The following DYM variants were observed in gnomAD, a reference collection of about 807,000 sequenced individuals.
The protein encoded by DYM is dyggve-Melchior-Clausen syndrome protein.
A neutral mutation model predicts 93.1 loss-of-function variants in DYM; 78 were observed. The observed-to-expected ratio is 0.84, with a 90% CI of 0.70 to 1.01. The LOEUF is 1.01. Among genes scored for constraint, DYM ranks in the 50% least tolerant of loss-of-function variants. DYM has a pLI of 0.00. For missense variants in DYM, 789 were observed against 845.0 expected (o/e 0.93, Z 0.82); for synonymous variants, 321 against 319.7 (o/e 1.00, Z -0.04).
intron 6 of DYM, among the ~76,000 whole-genome samples, chr18:49,352,141 C>A (rs941303770): frequency 6.6e-6 from 1 of 152,182 alleles, no homozygotes; most frequent in East Asian, 1.9e-4. Context: ...TGATACGATA[C>A]AATTTGTATG....
rs868117245 is a variant in DYM at position 49,036,707 on chromosome 18, A to G, written c.*7348T>C. 1.2e-4 allele frequency among the ~76,000 whole-genome samples: 18 copies of G among 147,102 alleles called. No individual in the cohort carries two copies. The highest frequency in any genetic ancestry group is 3.5e-4 in the African/African-American group (14 of 40,040). On this transcript the variant is annotated 3_prime_UTR_variant, in exon 18 of 18. Transcript: ENST00000675505. ...GCTGGGACTACAGGCACACACCACC[A>G]TGCTCAGCTAATTTGTGTGTGTGTG...
intron 4 of DYM, among the ~76,000 whole-genome samples, chr18:49,379,133 C>T (rs1176697813): frequency 6.6e-6 from 1 of 152,048 alleles, no homozygotes; most frequent in East Asian, 1.9e-4. Flanking sequence ...GTATTAATGA[C>T]CATGAACTCC....
chr18:49,309,868 C>T (rs566279054), intron 8 of DYM, among the ~76,000 whole-genome samples: 143 of 152,250 alleles, frequency 9.4e-4, no homozygotes, highest in African/African-American at 3.4e-3. Flanking sequence ...GCTAATGTAA[C>T]TTGAACCCAT....
intron 5 of DYM, among the ~76,000 whole-genome samples, chr18:49,373,175 AG>A (rs529346816): frequency 6.6e-6 from 1 of 152,196 alleles, no homozygotes; most frequent in Non-Finnish European, 1.5e-5. Flanking sequence ...GTTACAGGAA[AG>A]GGGTCCCAAT....
intron 1 of DYM, among the ~76,000 whole-genome samples, chr18:49,438,238 A>C (rs1445281731): frequency 1.3e-5 from 2 of 152,226 alleles, no homozygotes; most frequent in African/African-American, 4.8e-5. Context: ...AAACAGTATG[A>C]ATAAAGCCTA....
chr18:49,441,108 A>AT (rs1221239050), intron 1 of DYM, among the ~76,000 whole-genome samples: 12 of 7,196 alleles, frequency 1.7e-3, no homozygotes, highest in Non-Finnish European at 2.2e-3. Context: ...AATATATATT[A>AT]ATATAAATAT....
intron 8 of DYM, among the ~76,000 whole-genome samples, chr18:49,288,256 A>C (rs1181868678): frequency 6.6e-6 from 1 of 152,224 alleles, no homozygotes; most frequent in African/African-American, 2.4e-5. Context: ...TATATGGTCA[A>C]CACCACCAAC....
At chr18:49,124,644 A>T (rs1195088545) in intron 15 of DYM, among the ~76,000 whole-genome samples, 2 of 152,192 alleles carry the variant, frequency 1.3e-5, no homozygotes, top group Non-Finnish European at 2.9e-5. Context: ...ATTTTACCAA[A>T]CTTCTCTTAC....
intron 17 of DYM, among the ~76,000 whole-genome samples, chr18:49,080,115 A>AC (rs1289687671): frequency 9.7e-4 from 26 of 26,740 alleles, no homozygotes; most frequent in African/African-American, 2.5e-3. Context: ...CGGGGGGCTG[A>AC]CCCCCCCACC....
chr18:49,297,776 G>C (rs535587544), intron 8 of DYM, among the ~76,000 whole-genome samples: 2 of 150,936 alleles, frequency 1.3e-5, no homozygotes, highest in Non-Finnish European at 3.0e-5. Context: ...AATAGCCTTA[G>C]AACAACAATG....
chr18:49,418,568 G>C (rs986048153), intron 2 of DYM, among the ~76,000 whole-genome samples: 1 of 152,112 alleles, frequency 6.6e-6, no homozygotes, highest in Non-Finnish European at 1.5e-5. Context: ...GATTAGATTC[G>C]TCCTAAAGGC....
intron 2 of DYM, among the ~76,000 whole-genome samples, chr18:49,415,901 T>G (rs1411917147): frequency 1.4e-5 from 2 of 142,468 alleles, no homozygotes; most frequent in African/African-American, 2.6e-5. Context: ...TACTCCAGCC[T>G]GGGCAACAAG....
At chr18:49,117,701 C>T (rs2082025135) in intron 16 of DYM, among the ~76,000 whole-genome samples, 1 of 152,170 alleles carries the variant, frequency 6.6e-6, no homozygotes, top group Admixed American at 6.5e-5. Flanking sequence ...CTCAAATCTG[C>T]TCTTTCTATG....
intron 16 of DYM, among the ~76,000 whole-genome samples, chr18:49,110,585 C>T (rs1016353917): frequency 1.3e-5 from 2 of 151,556 alleles, no homozygotes; most frequent in South Asian, 2.1e-4. Context: ...TATCTTTGTT[C>T]CTCTGTATAT....
chr18:49,181,702 C>T (rs1176546701), intron 14 of DYM, among the ~76,000 whole-genome samples: 1 of 152,072 alleles, frequency 6.6e-6, no homozygotes, highest in African/African-American at 2.4e-5. Flanking sequence ...AGATACAGCC[C>T]AAAATTACTC....
chr18:49,217,924 T>A (rs894415205), intron 13 of DYM, among the ~76,000 whole-genome samples: 47 of 152,286 alleles, frequency 3.1e-4, no homozygotes, highest in African/African-American at 1.1e-3. Flanking sequence ...TAAATGTAAA[T>A]GGACTAAATG....
intron 10 of DYM, among the ~76,000 whole-genome samples, chr18:49,275,059 A>G (rs559761206): frequency 1.3e-5 from 2 of 152,276 alleles, no homozygotes; most frequent in African/African-American, 4.8e-5. Flanking sequence ...GCCAAATTCA[A>G]GGTCATGAAG....
At chr18:49,220,877 A>G (rs1250680283) in intron 13 of DYM, among the ~76,000 whole-genome samples, 4 of 152,208 alleles carry the variant, frequency 2.6e-5, no homozygotes, top group Admixed American at 2.0e-4. Flanking sequence ...ACCAAAAGCA[A>G]TGGCAACAAA....
intron 15 of DYM, among the ~76,000 whole-genome samples, chr18:49,160,398 A>G (rs886766207): frequency 6.6e-6 from 1 of 152,218 alleles, no homozygotes; most frequent in Non-Finnish European, 1.5e-5. Flanking sequence ...TGAATTATAC[A>G]GTATAATGAG....
Sources: gnomAD v4.1 joint callset for allele counts (sites outside exome capture counted in the v4.1 genomes callset) on GRCh38, gnomAD v4.1.1 for gene constraint, MANE v1.5 for transcripts, NCBI Gene and HGNC (gene_info 2026-07-23, HGNC 2026-07-21) for gene names.